The following TMEM33 variants were observed in gnomAD, a reference collection of about 807,000 sequenced individuals.
TMEM33 encodes the protein transmembrane protein 33.
In TMEM33, 16 loss-of-function variants were observed where a neutral mutation model predicts 29.7. The observed-to-expected ratio is 0.54, with a 90% CI of 0.36 to 0.82. The LOEUF (loss-of-function observed/expected upper bound fraction) is 0.82. Ranked by LOEUF, TMEM33 falls within the 40% of genes least tolerant of loss-of-function variation. The pLI is 0.00. For synonymous variants in TMEM33, 112 were observed against 109.4 expected, an observed-to-expected ratio of 1.02 and a Z score of -0.15; for missense variants, 252 against 295.3, an observed-to-expected ratio of 0.85 and a Z score of 1.08.
chr4:41,935,307 C>A, upstream of TMEM33: 1 of 704,288 alleles, frequency 1.4e-6, no homozygotes, highest in Admixed American at 2.2e-5. Context: ...GTCGGCTGCA[C>A]CAGGCGAGCG....
rs549833930 is a variant in TMEM33 at position 41,954,536 on chromosome 4, A to C, written c.*337A>C. 1 of 170,066 alleles carries C rather than the reference A, an allele frequency of 5.9e-6. No individual in the cohort carries two copies. Among genetic ancestry groups the C allele is most frequent in the African/African-American group, 2.4e-5 (1 of 42,032 alleles). 10.5% of individuals were successfully genotyped at this position (170,066 alleles called of 1,614,324 possible). A position where few individuals can be genotyped will look rare whatever the true frequency, so the allele number is the denominator to read the frequency against. ...ATAGCTCTAAAATTTGTTTCAACCT[A>C]ATTGGTAACCTGAGTTTATATCTGG... On this transcript the variant is annotated 3_prime_UTR_variant, in exon 7 of 7. Transcript: ENST00000504986.
Position 41,957,600 on chromosome 4 carries a change from T to G in TMEM33, c.*3401T>G, listed in dbSNP as rs1028146818. On this transcript the variant is annotated 3_prime_UTR_variant, in exon 7 of 7. Coordinates refer to ENST00000504986, the MANE Select transcript of TMEM33 (RefSeq NM_018126.3). The stretch of plus-strand genomic sequence containing the variant: ...ACAAGTAGAACTGAGAGATTTAGTT[T>G]TTTTTTTTTTTAAGTTTTAGTTCAG... 15 of 152,028 alleles carry G rather than the reference T, an allele frequency of 9.9e-5. No homozygotes were observed. The highest frequency in any genetic ancestry group is 3.9e-4 in the East Asian group (2 of 5,184). 9.4% of individuals were successfully genotyped at this position (152,028 alleles called of 1,614,324 possible).
intron 3 of TMEM33, among the ~76,000 whole-genome samples, chr4:41,940,807 CAAAAAAA>C (rs11390153): frequency 1.1e-3 from 59 of 53,266 alleles, no homozygotes; most frequent in African/African-American, 3.7e-3. Flanking sequence ...GACTCCTTCT[CAAAAAAA>C]AAAAAAAAAA....
chr4:41,944,653 T>C, intron 4 of TMEM33, 140 bp from the exon 5 acceptor site: 1 of 973,756 alleles, frequency 1.0e-6, no homozygotes, highest in Non-Finnish European at 1.5e-6. Context: ...CCTTAAATAG[T>C]TTGTGAACTT....
chr4:41,939,093 C>T, intron 2 of TMEM33, 103 bp from the exon 3 acceptor site: 1 of 1,148,920 alleles, frequency 8.7e-7, no homozygotes, highest in Non-Finnish European at 1.2e-6. Flanking sequence ...TTTCTATTGA[C>T]AAGTGATTTA....
intron 6 of TMEM33, among the ~76,000 whole-genome samples, chr4:41,951,853 A>C (rs1301188222): frequency 2.6e-5 from 4 of 152,170 alleles, no homozygotes; most frequent in Non-Finnish European, 1.5e-5. Context: ...GAGAATTGAT[A>C]AATATCTGTG....
chr4:41,943,330 G>T lies in TMEM33; in HGVS notation c.329-417G>T, dbSNP rs1471540251. ...ACCTGTGGTAAGGAGTTCGAGACCA[G>T]CCTGGCCAACATGGTGAAAACCCAT... On this transcript the variant is annotated intron_variant, in intron 3 of 6. Transcript: ENST00000504986. Among the ~76,000 whole-genome samples, 3 of 152,276 alleles carry T rather than the reference G, an allele frequency of 2.0e-5. No homozygotes were observed. The East Asian group carries it at 5.8e-4, about 29-fold the overall frequency.
intron 6 of TMEM33, among the ~76,000 whole-genome samples, chr4:41,953,439 C>T (rs529991038): frequency 2.0e-5 from 3 of 152,238 alleles, no homozygotes; most frequent in Admixed American, 6.5e-5. Context: ...ATCATTCATC[C>T]GTTCACAGAA....
intron 6 of TMEM33, 143 bp downstream of exon 6, chr4:41,949,528 T>G: frequency 1.5e-4 from 88 of 591,208 alleles, no homozygotes; most frequent in Non-Finnish European, 1.9e-4. Context: ...TTCTAGGCCT[T>G]AGAATGTACT....
chr4:41,935,594 C>G, intron 1 of TMEM33, 65 bp downstream of exon 1: 1 of 1,513,778 alleles, frequency 6.6e-7, no homozygotes, highest in Non-Finnish European at 9.0e-7. Flanking sequence ...GGAAGCGTTG[C>G]GAGTCCCGAG....
chr4:41,949,228 A>C lies in TMEM33; in HGVS notation c.531-74A>C. Reference sequence around the variant, plus strand: ...GAAGATACACATATTCTCCAGTTGAATTGCTTTTAAGTTTTGAGAGTATAC... The same window carrying C: ...GAAGATACACATATTCTCCAGTTGACTTGCTTTTAAGTTTTGAGAGTATAC... On this transcript the variant is annotated intron_variant, in intron 5 of 6. Coordinates refer to ENST00000504986, the MANE Select transcript of TMEM33 (RefSeq NM_018126.3). The C allele has an allele frequency of 3.1e-6, 3 of 976,784 alleles. No individual in the cohort carries two copies. In the South Asian group the frequency reaches 4.9e-5, roughly 16 times the overall value. The allele number at this position is 976,784 out of a possible 1,614,324, so 60.5% of individuals were successfully genotyped here.
At chr4:41,942,784 A>G (rs1004484805) in intron 3 of TMEM33, among the ~76,000 whole-genome samples, 15 of 152,224 alleles carry the variant, frequency 9.9e-5, no homozygotes, top group African/African-American at 3.6e-4. Context: ...TGGACTCAAA[A>G]GGATTCTTTC....
chr4:41,937,644 C>T (rs1712306355), intron 1 of TMEM33, among the ~76,000 whole-genome samples: 1 of 151,918 alleles, frequency 6.6e-6, no homozygotes, highest in African/African-American at 2.4e-5. Flanking sequence ...CCATTATATA[C>T]AGTAGGGTAA....
At chr4:41,940,151 C>T (rs1343837803) in intron 3 of TMEM33, among the ~76,000 whole-genome samples, 1 of 150,340 alleles carries the variant, frequency 6.7e-6, no homozygotes, top group Admixed American at 6.6e-5. Context: ...AGCCATCACG[C>T]CCAGCCAGGT....
rs1298776983 is a variant in TMEM33, at chr4:41,947,615, T to A, written c.531-1687T>A. Among the ~76,000 whole-genome samples the A allele has an allele frequency of 1.8e-4, 28 of 152,266 alleles. 1 individual carries two copies. The highest frequency in any genetic ancestry group is 1.8e-3 in the Admixed American group (28 of 15,306). ...TAGAGAAATAATTTTGTTTGAAAAATTAAAATCAGCTTATAAAGTGGTACT... is the reference window on the plus strand; with the variant it reads ...TAGAGAAATAATTTTGTTTGAAAAAATAAAATCAGCTTATAAAGTGGTACT... On this transcript the variant is annotated intron_variant, in intron 5 of 6. Coordinates refer to ENST00000504986, the MANE Select transcript of TMEM33 (RefSeq NM_018126.3).
intron 3 of TMEM33, among the ~76,000 whole-genome samples, chr4:41,941,355 A>G (rs550179561): frequency 2.0e-5 from 3 of 152,376 alleles, no homozygotes; most frequent in South Asian, 2.1e-4. Context: ...TTTCTGAGCT[A>G]TAACGGGAAG....
At chr4:41,949,420 G>A in intron 6 of TMEM33, 35 bp downstream of exon 6, 3 of 1,519,850 alleles carry the variant, frequency 2.0e-6, no homozygotes, top group Non-Finnish European at 2.7e-6. Context: ...TGTTTTATTT[G>A]TTGAGAGTAT....
At chr4:41,935,340 CAG>C (rs1712166511), upstream of TMEM33, 2 of 880,168 alleles carry the variant, frequency 2.3e-6, no homozygotes, top group Non-Finnish European at 3.7e-6. Context: ...GGTGGAGGCT[CAG>C]AGTTCCGGCA....
chr4:41,944,971 T>C, intron 5 of TMEM33, 45 bp downstream of exon 5: 1 of 1,595,724 alleles, frequency 6.3e-7, no homozygotes, highest in Non-Finnish European at 8.5e-7. Flanking sequence ...TGACTGAACG[T>C]AATAAAGATA....
Sources: gnomAD v4.1 joint callset for allele counts (sites outside exome capture counted in the v4.1 genomes callset) on GRCh38, gnomAD v4.1.1 for gene constraint, MANE v1.5 for transcripts, NCBI Gene and HGNC (gene_info 2026-07-23, HGNC 2026-07-21) for gene names.